The following PAN2 variants were observed in gnomAD, a reference collection of about 807,000 sequenced individuals.
The protein encoded by PAN2 is PAN2-PAN3 deadenylation complex catalytic subunit PAN2.
A neutral mutation model predicts 133.3 loss-of-function variants in PAN2; 68 were observed. The ratio of observed to expected loss-of-function variants is 0.51; its 90% CI spans 0.42 to 0.62. The LOEUF is 0.62. Ranked by LOEUF, PAN2 falls within the 20% of genes least tolerant of loss-of-function variation. The pLI is 0.00. For synonymous variants in PAN2, 462 were observed against 544.6 expected (o/e 0.85, Z 2.11); for missense variants, 1,042 against 1,500.5 (o/e 0.69, Z 5.05).
At chr12:56,333,259 C>T in intron 1 of PAN2, 51 bp from the exon 2 acceptor site, 1 of 655,948 alleles carries the variant, frequency 1.5e-6, no homozygotes, top group Non-Finnish European at 2.6e-6. Flanking sequence ...GGTACTGGTA[C>T]TTAGGGTCTT....
chr12:56,327,870 G>T, intron 5 of PAN2, 125 bp downstream of exon 5: 1 of 1,485,556 alleles, frequency 6.7e-7, no homozygotes, highest in Non-Finnish European at 9.0e-7. Flanking sequence ...AGTAGGAAGT[G>T]AATTCACTCC....
chr12:56,321,009 A>G (rs1281321130), intron 20 of PAN2, among the ~76,000 whole-genome samples: 1 of 149,840 alleles, frequency 6.7e-6, no homozygotes, highest in East Asian at 2.0e-4. Context: ...GGTCGCAGTG[A>G]GCCAAAATTG....
chr12:56,325,246 C>G, intron 9 of PAN2, 89 bp downstream of exon 9: 5 of 1,587,972 alleles, frequency 3.1e-6, no homozygotes, highest in Non-Finnish European at 4.3e-6. Context: ...TTGAAGGCCT[C>G]CTGACTGAGT....
intron 2 of PAN2, 90 bp from the exon 3 acceptor site, chr12:56,328,731 G>A: frequency 9.4e-7 from 1 of 1,060,876 alleles, no homozygotes; most frequent in Non-Finnish European, 1.4e-6. Flanking sequence ...GGCTCAGCTT[G>A]GATCCTTTCT....
At chr12:56,324,949 G>T in intron 10 of PAN2, 60 bp downstream of exon 10, 1 of 1,592,504 alleles carries the variant, frequency 6.3e-7, no homozygotes, top group Non-Finnish European at 8.6e-7. Context: ...AGGGTCGAGA[G>T]CCATAGGGAA....
At chr12:56,321,921 T>G (rs1874597584) in intron 20 of PAN2, among the ~76,000 whole-genome samples, 157 bp downstream of exon 20, 1 of 152,022 alleles carries the variant, frequency 6.6e-6, no homozygotes, top group Non-Finnish European at 1.5e-5. Context: ...ATTTCGCACT[T>G]CTAAATTTAA....
At chr12:56,318,136 T>C in intron 25 of PAN2, 101 bp downstream of exon 25, 1 of 957,096 alleles carries the variant, frequency 1.0e-6, no homozygotes, top group East Asian at 2.4e-5. Context: ...GTAATCACGC[T>C]ACTGCACTTC....
chr12:56,331,026 C>T (rs569584761), intron 2 of PAN2, among the ~76,000 whole-genome samples: 1 of 151,992 alleles, frequency 6.6e-6, no homozygotes, highest in East Asian at 1.9e-4. Flanking sequence ...TCTTGAATTC[C>T]TGACCTCAGG....
At position 56,326,425 on chromosome 12, in the gene PAN2, G is replaced by A. The variant is rs746809448; in HGVS notation, c.1263-16C>T. On this transcript the variant is annotated splice_polypyrimidine_tract_variant and intron_variant, in intron 7 of 25. Transcript: ENST00000440411. ...TGGTGCTCGCCTACAATCCAGCATA[G>A]TTCTAGGACTTAAAGAGTTGTGGTG... The A allele has an allele frequency of 6.4e-7, 1 of 1,571,438 alleles. No individual in the cohort carries two copies. The highest frequency in any genetic ancestry group is 8.7e-7 in the Non-Finnish European group (1 of 1,152,132).
intron 6 of PAN2, 51 bp from the exon 7 acceptor site, chr12:56,327,010 T>A (rs368872036): frequency 7.0e-7 from 1 of 1,438,054 alleles, no homozygotes. Flanking sequence ...AAGGGAGCCA[T>A]ATTCTTATGC....
chr12:56,330,747 C>T (rs1005629027), intron 2 of PAN2, among the ~76,000 whole-genome samples: 1 of 152,070 alleles, frequency 6.6e-6, no homozygotes, highest in Non-Finnish European at 1.5e-5. Context: ...CCCACCTTGG[C>T]TTATCAAAGT....
At chr12:56,323,681 AC>A in intron 14 of PAN2, 83 bp from the exon 15 acceptor site, 2 of 1,460,402 alleles carry the variant, frequency 1.4e-6, no homozygotes, top group Non-Finnish European at 1.9e-6. Flanking sequence ...GCGTCTTCAA[AC>A]TGGGATTCCT....
Position 56,318,361 on chromosome 12 carries a change from A to G in PAN2, c.3438T>C (p.Tyr1146=), listed in dbSNP as rs781558757. Residue 1146 remains tyrosine (Y), a synonymous_variant, in exon 25 of 26, where the codon TAT becomes TAC. Transcript: ENST00000440411. ...CAGTGCCATTTTTGCTTAGCTCCAG[A>G]TACTTTCGGTACAGCTGAAGGGCTG... ...ARTALQLYRK[Y]LELSKNGTEP... is the part of the protein sequence containing the mutation. 6.2e-7 allele frequency: 1 copy of G among 1,613,988 alleles called. No homozygotes were observed. Among genetic ancestry groups the G allele is most frequent in the Non-Finnish European group, 8.5e-7 (1 of 1,179,966 alleles).
At chr12:56,333,308 A>T in intron 1 of PAN2, 100 bp from the exon 2 acceptor site, 1 of 544,526 alleles carries the variant, frequency 1.8e-6, no homozygotes, top group Non-Finnish European at 3.3e-6. Context: ...GGCAGGCATG[A>T]GGGATGAGAC....
rs980948083 is a variant in PAN2 at position 56,332,009 on chromosome 12, G to A, written c.282+804C>T. ...ATTACAGGAGTGAGCCACCGGTCCC[G>A]GCCGGACAGCACAGTATTTCTTACA... On this transcript the variant is annotated intron_variant, in intron 2 of 25. Transcript: ENST00000440411. Among the ~76,000 whole-genome samples the A allele has an allele frequency of 3.3e-5, 5 of 152,120 alleles. No individual in the cohort carries two copies. In the East Asian group the frequency reaches 7.7e-4, roughly 23 times the overall value.
At chr12:56,327,960 G>A (rs749210165) in intron 5 of PAN2, 35 bp downstream of exon 5, 6 of 1,613,276 alleles carry the variant, frequency 3.7e-6, no homozygotes, top group Admixed American at 3.3e-5. Context: ...GTGAAACAGG[G>A]CCCTGCAGTG....
At position 56,327,770 on chromosome 12, in the gene PAN2, A is replaced by G. The variant is rs536210437; in HGVS notation, c.652-139T>C. ...GTTAAAGCACAGAAAAGGCAAACAGAGAAGCCCAGAGCCAGAAGGGGCTTC... is the reference window on the plus strand; with the variant it reads ...GTTAAAGCACAGAAAAGGCAAACAGGGAAGCCCAGAGCCAGAAGGGGCTTC... On this transcript the variant is annotated intron_variant, in intron 5 of 25. Coordinates refer to ENST00000440411, the MANE Select transcript of PAN2 (RefSeq NM_014871.6). 231 of 1,252,320 alleles carry G rather than the reference A, an allele frequency of 1.8e-4. No homozygotes were observed. In the African/African-American group the frequency reaches 3.3e-3, roughly 18 times the overall value. 77.6% of individuals were successfully genotyped at this position (1,252,320 alleles called of 1,614,324 possible).
intron 2 of PAN2, among the ~76,000 whole-genome samples, chr12:56,329,538 C>T (rs575622564): frequency 1.3e-5 from 2 of 150,726 alleles, no homozygotes; most frequent in Non-Finnish European, 3.0e-5. Flanking sequence ...ACCATGTTGG[C>T]CAGGCTGGTT....
Position 56,328,233 on chromosome 12 carries a change from T to C in PAN2, c.573+5A>G, listed in dbSNP as rs767745351. 6.3e-7 allele frequency: 1 copy of C among 1,589,214 alleles called. No individual in the cohort carries two copies. Among genetic ancestry groups the C allele is most frequent in the Non-Finnish European group, 8.6e-7 (1 of 1,165,966 alleles). On this transcript the variant is annotated splice_donor_5th_base_variant and intron_variant, in intron 4 of 25. Coordinates refer to ENST00000440411, the MANE Select transcript of PAN2 (RefSeq NM_014871.6). ...ACATAGGTCTTTCTTGCCCCAAGCT[T>C]GTACCTTCTGAGTCTCCTGGACAGT...
Sources: allele counts gnomAD v4.1 joint callset (sites outside exome capture counted in the v4.1 genomes callset), GRCh38; gene constraint gnomAD v4.1.1; transcripts MANE v1.5; gene names NCBI Gene and HGNC (gene_info 2026-07-23, HGNC 2026-07-21).